The following TFEB variants were observed in gnomAD, a reference collection of about 807,000 sequenced individuals.
The protein encoded by TFEB is T-cell transcription factor EB.
TFEB carries 12 observed loss-of-function variants against 48.0 expected under a neutral mutation model. The observed-to-expected ratio is 0.25, with a 90% confidence interval of 0.16 to 0.40. The LOEUF is 0.40. Among genes scored for constraint, TFEB ranks in the 10% least tolerant of loss-of-function variants. The pLI is 1.00. For synonymous variants in TFEB, 244 were observed against 261.4 expected (o/e 0.93, Z 0.64); for missense variants, 509 against 640.3 (o/e 0.79, Z 2.21).
intron 1 of TFEB, among the ~76,000 whole-genome samples, chr6:41,707,756 C>T (rs745966262): frequency 4.1e-4 from 62 of 152,296 alleles, no homozygotes; most frequent in Non-Finnish European, 2.2e-4. Flanking sequence ...TGCCACCGCA[C>T]GAAATTACTC....
chr6:41,694,490 C>G (rs529987605), intron 1 of TFEB, among the ~76,000 whole-genome samples: 1 of 152,262 alleles, frequency 6.6e-6, no homozygotes, highest in Admixed American at 6.5e-5. Flanking sequence ...TGGTCGCCAG[C>G]CTGGGTTGCT....
At chr6:41,726,791 T>G (rs1331406018) in intron 1 of TFEB, among the ~76,000 whole-genome samples, 6 of 152,210 alleles carry the variant, frequency 3.9e-5, no homozygotes, top group Admixed American at 3.3e-4. Flanking sequence ...GTTTATGCTT[T>G]TTAAGCAACT....
At chr6:41,726,594 C>A (rs1323765850) in intron 1 of TFEB, among the ~76,000 whole-genome samples, 1 of 152,126 alleles carries the variant, frequency 6.6e-6, no homozygotes, top group Non-Finnish European at 1.5e-5. Context: ...GTGCGTGCCA[C>A]AACACCTGGA....
intron 1 of TFEB, among the ~76,000 whole-genome samples, chr6:41,692,276 C>G (rs1237654306): frequency 6.6e-6 from 1 of 152,224 alleles, no homozygotes; most frequent in Non-Finnish European, 1.5e-5. Flanking sequence ...CCATGGGACT[C>G]TGGCTCAGGA....
At chr6:41,689,864 G>T in intron 3 of TFEB, 53 bp from the exon 4 acceptor site, 1 of 1,478,060 alleles carries the variant, frequency 6.8e-7, no homozygotes, top group Non-Finnish European at 9.4e-7. Context: ...GTGGGCAGGG[G>T]AAAGAGGCAT....
chr6:41,686,289 A>T, intron 7 of TFEB, 52 bp from the exon 8 acceptor site: 1 of 1,603,984 alleles, frequency 6.2e-7, no homozygotes, highest in South Asian at 1.1e-5. Flanking sequence ...AGAGTGGCCA[A>T]ATCCTTGCTA....
chr6:41,685,041 G>A lies in TFEB; in HGVS notation c.989C>T (p.Thr330Ile). The change falls in exon 9 of 9, where the codon ACC (threonine) becomes ATC (isoleucine). Residue 330 changes from threonine (T) to isoleucine (I), a missense_variant. Transcript: ENST00000373033. ...CATGTTCATGCCGGACGGGGAGGTG[G>A]TAGGGAGGCCGTGCACTCGAGCCTG... ...EMQARVHGLP[T>I]TSPSGMNMAE... is the part of the protein sequence containing the mutation. The A allele has an allele frequency of 6.7e-7, 1 of 1,481,778 alleles. No homozygotes were observed. Among genetic ancestry groups the A allele is most frequent in the Non-Finnish European group, 9.0e-7 (1 of 1,116,434 alleles). The allele number at this position is 1,481,778 out of a possible 1,614,324, so 91.8% of individuals were successfully genotyped here.
intron 1 of TFEB, among the ~76,000 whole-genome samples, chr6:41,700,188 T>C (rs9369304): frequency 0.066 from 10,075 of 151,976 alleles, 489 homozygotes; most frequent in East Asian, 0.26. Flanking sequence ...CAAAAGAGGC[T>C]GGGCGCGGTG....
rs1281015859 is a variant in TFEB at position 41,691,455 on chromosome 6, C to G, written c.-22-220G>C. The G allele has an allele frequency of 2.8e-6, 2 of 712,220 alleles. No homozygotes were observed. The highest frequency in any genetic ancestry group is 5.2e-6 in the Non-Finnish European group (2 of 383,294). 44.1% of individuals were successfully genotyped at this position (712,220 alleles called of 1,614,324 possible). ...GGTTCCTGGACCAAAACTGAAGGTT[C>G]TGTCTTCTTCACTCATTGCAGTTGG... On this transcript the variant is annotated intron_variant, in intron 1 of 8. Transcript: ENST00000373033. This position sits in a 1 kb window ranked among gnomAD's most constrained non-coding sequence, Gnocchi z 5.2.
Position 41,723,762 on chromosome 6 carries a change from GC to G in TFEB, c.-23+11587del. ...CAATCTCACCCGCCCGGCTCCAGGCGCCCACAGCGCTCCTTGGTCCTCCCAC... is the reference window on the plus strand; with the variant it reads ...CAATCTCACCCGCCCGGCTCCAGGCGCCACAGCGCTCCTTGGTCCTCCCAC... On this transcript the variant is annotated intron_variant, in intron 1 of 8. Coordinates refer to ENST00000373033, the MANE Select transcript of TFEB (RefSeq NM_001271944.2). The surrounding 1 kb of genome is among the most constrained non-coding windows in gnomAD (Gnocchi z 6.0). 1 of 371,116 alleles carries G rather than the reference GC, an allele frequency of 2.7e-6. No individual in the cohort carries two copies. Among genetic ancestry groups the G allele is most frequent in the Non-Finnish European group, 5.3e-6 (1 of 189,050 alleles). 23.0% of individuals were successfully genotyped at this position (371,116 alleles called of 1,614,324 possible).
chr6:41,684,218 G>A lies in TFEB; in HGVS notation c.*381C>T, dbSNP rs2127443807. ...AGCACCCCCAGGACCAGTTGCCTCA[G>A]ATGAGGAGCTTCCCGAACCCCTCAA... is the stretch of plus-strand genomic sequence containing the variant. On this transcript the variant is annotated 3_prime_UTR_variant, in exon 9 of 9. Transcript: ENST00000373033. 1 of 243,766 alleles carries A rather than the reference G, an allele frequency of 4.1e-6. No homozygotes were observed. The highest frequency in any genetic ancestry group is 6.0e-5 in the East Asian group (1 of 16,758). The allele number at this position is 243,766 out of a possible 1,614,324, so 15.1% of individuals were successfully genotyped here. A position where few individuals can be genotyped will look rare whatever the true frequency, so the allele number is the denominator to read the frequency against.
intron 1 of TFEB, among the ~76,000 whole-genome samples, chr6:41,692,543 T>A (rs1769370309): frequency 1.3e-5 from 2 of 152,152 alleles, no homozygotes; most frequent in East Asian, 3.9e-4. Context: ...CAGGTGTGAC[T>A]TAAGCCCCCC....
At chr6:41,732,667 G>A (rs908667888) in intron 1 of TFEB, 16 of 985,584 alleles carry the variant, frequency 1.6e-5, no homozygotes, top group Middle Eastern at 5.2e-4. Context: ...AGGCACTGCC[G>A]CACCCTTAGT....
In TFEB at chr6:41,723,882, C is replaced by T. The variant is rs1377116329; in HGVS notation, c.-23+11468G>A. Reference sequence around the variant, plus strand: ...AGAGCAGCAAGAATTTCGCCAGAGTCCCAATCCCACCAGGTCCAGGGTGGG... The same window carrying T: ...AGAGCAGCAAGAATTTCGCCAGAGTTCCAATCCCACCAGGTCCAGGGTGGG... On this transcript the variant is annotated intron_variant, in intron 1 of 8. Transcript: ENST00000373033. This position sits in a 1 kb window ranked among gnomAD's most constrained non-coding sequence, Gnocchi z 6.0. 4.0e-6 allele frequency: 2 copies of T among 506,236 alleles called. No homozygotes were observed. The highest frequency in any genetic ancestry group is 7.9e-6 in the Non-Finnish European group (2 of 254,116). 31.4% of individuals were successfully genotyped at this position (506,236 alleles called of 1,614,324 possible).
intron 1 of TFEB, among the ~76,000 whole-genome samples, chr6:41,702,430 G>T (rs1297953888): frequency 6.6e-6 from 1 of 152,208 alleles, no homozygotes; most frequent in African/African-American, 2.4e-5. Context: ...GGTGAGGGTG[G>T]TAAGGGTTGG....
Position 41,724,633 on chromosome 6 carries a change from C to G in TFEB, c.-23+10717G>C, listed in dbSNP as rs1038609587. Among the ~76,000 whole-genome samples, 4 of 152,140 alleles carry G rather than the reference C, an allele frequency of 2.6e-5. No individual in the cohort carries two copies. Among genetic ancestry groups the G allele is most frequent in the Admixed American group, 2.0e-4 (3 of 15,278 alleles). On this transcript the variant is annotated intron_variant, in intron 1 of 8. Coordinates refer to ENST00000373033, the MANE Select transcript of TFEB (RefSeq NM_001271944.2). This position sits in a 1 kb window ranked among gnomAD's most constrained non-coding sequence, Gnocchi z 4.4. ...CCTCTGGCTCCCGCCCCTTGCCGCC[C>G]GAGACCTGCAATGGGGCCTCAGATA...
intron 1 of TFEB, among the ~76,000 whole-genome samples, chr6:41,696,917 C>T (rs948169113): frequency 6.6e-6 from 1 of 152,058 alleles, no homozygotes; most frequent in African/African-American, 2.4e-5. Flanking sequence ...ACTCAGGATC[C>T]TAATTACCCT....
At chr6:41,731,084 A>G (rs149241759) in intron 1 of TFEB, among the ~76,000 whole-genome samples, 70 of 152,330 alleles carry the variant, frequency 4.6e-4, no homozygotes, top group Non-Finnish European at 8.2e-4. Flanking sequence ...TGAGAAATAA[A>G]TAACTCACTG....
intron 1 of TFEB, chr6:41,705,764 A>C (rs1357703852): frequency 6.6e-6 from 1 of 152,358 alleles, no homozygotes; most frequent in African/African-American, 2.4e-5. Flanking sequence ...TAGGATGTCC[A>C]AAAAAGAACC....
Sources: gnomAD v4.1 joint callset for allele counts (sites outside exome capture counted in the v4.1 genomes callset) on GRCh38, gnomAD v4.1.1 for gene constraint, Gnocchi (gnomAD v3.1) non-coding constraint, MANE v1.5 for transcripts, NCBI Gene and HGNC (gene_info 2026-07-23, HGNC 2026-07-21) for gene names.